DNAI1: variants seen among roughly 807,000 people sequenced by gnomAD.
DNAI1 encodes dynein, axonemal, intermediate polypeptide 1.
In DNAI1, 67 loss-of-function variants were observed where a neutral mutation model predicts 92.0. That is an observed-to-expected ratio of 0.73 (90% CI 0.60 to 0.89). DNAI1 has a LOEUF of 0.89. DNAI1 is among the 40% of genes least tolerant of loss of function. The pLI is 0.00. For synonymous variants in DNAI1, 323 were observed against 319.6 expected (o/e 1.01, Z -0.11); for missense variants, 839 against 866.6 (o/e 0.97, Z 0.40).
Position 34,506,849 on chromosome 9 carries a change from G to A in DNAI1, c.1286G>A (p.Gly429Asp), listed in dbSNP as rs752620955. 6.2e-7 allele frequency: 1 copy of A among 1,614,084 alleles called. No individual in the cohort carries two copies. Among genetic ancestry groups the A allele is most frequent in the Non-Finnish European group, 8.5e-7 (1 of 1,180,018 alleles). Residue 429 changes from glycine to aspartate, a missense_variant, in exon 13 of 20, where the codon GGC becomes GAC. Transcript: ENST00000242317. ...TCCTTCTGCAGCTCAGCCAAGTCTG[G>A]CAAGCACTCAGACCCTGTGTGGCAG... ...QPSFCSSAKS[G>D]KHSDPVWQVK...
chr9:34,489,197 AT>A, intron 4 of DNAI1, 125 bp from the exon 5 acceptor site: 1 of 1,115,664 alleles, frequency 9.0e-7, no homozygotes, highest in Non-Finnish European at 1.4e-6. Flanking sequence ...TTAACTGAGG[AT>A]TTGGTGAGTT....
chr9:34,472,868 C>T (rs557277803), intron 1 of DNAI1, among the ~76,000 whole-genome samples: 17 of 151,590 alleles, frequency 1.1e-4, no homozygotes, highest in Admixed American at 2.6e-4. Flanking sequence ...TGTTGCTGCA[C>T]TCTAGCTTGG....
chr9:34,460,914 C>T (rs904846256), intron 1 of DNAI1, among the ~76,000 whole-genome samples: 26 of 152,108 alleles, frequency 1.7e-4, no homozygotes, highest in Admixed American at 6.5e-5. Flanking sequence ...GATCTTGGCT[C>T]ACTGCAAGCT....
chr9:34,482,579 T>C (rs1164289113), intron 1 of DNAI1, among the ~76,000 whole-genome samples: 401 of 147,030 alleles, frequency 2.7e-3, no homozygotes, highest in African/African-American at 7.2e-3. Context: ...TACAGAGTGT[T>C]GATTGGTGCA....
At chr9:34,513,781 C>G (rs1405907274) in intron 16 of DNAI1, among the ~76,000 whole-genome samples, 2 of 152,278 alleles carry the variant, frequency 1.3e-5, no homozygotes, top group Admixed American at 6.5e-5. Context: ...GTCCCCACCC[C>G]CTCTTCACCC....
At chr9:34,501,795 C>A (rs375827314) in intron 12 of DNAI1, among the ~76,000 whole-genome samples, 9 of 152,156 alleles carry the variant, frequency 5.9e-5, no homozygotes, top group Middle Eastern at 3.2e-3. Flanking sequence ...GGATGGGATC[C>A]CCTGAACCTT....
rs147529210 is a variant in DNAI1, at chr9:34,486,184, C to T, written c.261+667C>T. ...CATTTGAGCTGCAGTGGAAGGGGTGCATATGTTTCCTATTTCGTTATTCTG... is the reference window on the plus strand; with the variant it reads ...CATTTGAGCTGCAGTGGAAGGGGTGTATATGTTTCCTATTTCGTTATTCTG... On this transcript the variant is annotated intron_variant, in intron 4 of 19. Coordinates refer to ENST00000242317, the MANE Select transcript of DNAI1 (RefSeq NM_012144.4). Among the ~76,000 whole-genome samples the T allele has an allele frequency of 2.1e-3, 313 of 152,280 alleles. 1 individual carries two copies. Among genetic ancestry groups the T allele is most frequent in the African/African-American group, 7.2e-3 (298 of 41,568 alleles).
At chr9:34,491,610 C>G (rs1824596402) in intron 8 of DNAI1, 56 bp downstream of exon 8, 1 of 1,597,456 alleles carries the variant, frequency 6.3e-7, no homozygotes, top group African/African-American at 1.3e-5. Flanking sequence ...GTATCCTTTC[C>G]TCATTTAGCA....
At chr9:34,508,957 GTTCTC>G (rs936946287) in intron 13 of DNAI1, among the ~76,000 whole-genome samples, 1 of 152,160 alleles carries the variant, frequency 6.6e-6, no homozygotes, top group Non-Finnish European at 1.5e-5. Context: ...CTCACTTCCT[GTTCTC>G]TTCTTTTCTT....
chr9:34,492,493 G>GATATATAT (rs752863173), intron 8 of DNAI1, among the ~76,000 whole-genome samples: 1,228 of 67,916 alleles, frequency 0.018, 54 homozygotes, highest in Non-Finnish European at 0.025. Context: ...GGGATATGAA[G>GATATATAT]ATATATATAT....
At chr9:34,486,984 G>T (rs190181664) in intron 4 of DNAI1, among the ~76,000 whole-genome samples, 5 of 152,208 alleles carry the variant, frequency 3.3e-5, no homozygotes, top group East Asian at 1.9e-4. Context: ...ATATTCACTT[G>T]TATGAATATA....
rs1316582448 is a variant in DNAI1 at position 34,512,393 on chromosome 9, A to T, written c.1458A>T (p.Glu486Asp). The change falls in exon 15 of 20, where the codon GAA becomes GAT. Residue 486 changes from glutamate to aspartate, a missense_variant. Transcript: ENST00000242317. ...IKLKVEGSTT[E>D]VPEGLQLHPV... ...TGAAGGTGGAAGGCAGCACCACGGA[A>T]GTTCCTGAGGGGTTGCAGCTGCACC... 6.2e-7 allele frequency: 1 copy of T among 1,614,040 alleles called. No individual in the cohort carries two copies. The highest frequency in any genetic ancestry group is 8.5e-7 in the Non-Finnish European group (1 of 1,180,024).
intron 4 of DNAI1, chr9:34,488,527 A>G (rs899783464): frequency 2.0e-5 from 3 of 153,240 alleles, no homozygotes; most frequent in African/African-American, 7.2e-5. Flanking sequence ...TAGTTTCTAT[A>G]TGGCTTGAAA....
chr9:34,475,072 T>C (rs925059891), intron 1 of DNAI1, among the ~76,000 whole-genome samples: 1 of 152,246 alleles, frequency 6.6e-6, no homozygotes, highest in African/African-American at 2.4e-5. Flanking sequence ...TAAACACTTA[T>C]TGAGTGCCTT....
chr9:34,461,646 T>A (rs770806917), intron 1 of DNAI1, among the ~76,000 whole-genome samples: 3 of 152,192 alleles, frequency 2.0e-5, no homozygotes, highest in Non-Finnish European at 4.4e-5. Flanking sequence ...CAGAAAAAAC[T>A]GGGTCAACTG....
intron 13 of DNAI1, among the ~76,000 whole-genome samples, chr9:34,508,977 T>C (rs1272160315): frequency 6.6e-6 from 1 of 152,238 alleles, no homozygotes; most frequent in African/African-American, 2.4e-5. Flanking sequence ...TTTCTTCTCA[T>C]TCCTTCCTCC....
chr9:34,467,440 TACACACACACACACACAC>T (rs3039302), intron 1 of DNAI1, among the ~76,000 whole-genome samples: 26 of 137,472 alleles, frequency 1.9e-4, no homozygotes, highest in African/African-American at 5.5e-4. Flanking sequence ...TCTACACAAA[TACACACACACACACACAC>T]ACACACACAC....
At chr9:34,509,390 C>T (rs755177044) in intron 13 of DNAI1, among the ~76,000 whole-genome samples, 8 of 152,018 alleles carry the variant, frequency 5.3e-5, no homozygotes, top group Admixed American at 1.3e-4. Context: ...ATTGTACGTC[C>T]GTGGTTTCAA....
At chr9:34,503,225 G>C (rs894863379) in intron 12 of DNAI1, among the ~76,000 whole-genome samples, 6 of 152,188 alleles carry the variant, frequency 3.9e-5, no homozygotes, top group Admixed American at 2.0e-4. Context: ...AATAGAACCA[G>C]GCTGGCTGAG....
Sources: allele counts gnomAD v4.1 joint callset (sites outside exome capture counted in the v4.1 genomes callset), GRCh38; gene constraint gnomAD v4.1.1; transcripts MANE v1.5; gene names NCBI Gene and HGNC (gene_info 2026-07-23, HGNC 2026-07-21).